Variants in PTPRM observed in about 807,000 individuals in gnomAD.
PTPRM encodes receptor-type tyrosine-protein phosphatase mu.
A neutral mutation model predicts 186.7 loss-of-function variants in PTPRM; 47 were observed. That is an observed-to-expected ratio of 0.25 (90% CI 0.20 to 0.32). The LOEUF is 0.32. Among genes scored for constraint, PTPRM ranks in the 10% least tolerant of loss-of-function variants. PTPRM has a pLI of 1.00. For synonymous variants in PTPRM, 668 were observed against 674.9 expected, an observed-to-expected ratio of 0.99 and a Z score of 0.16; for missense variants, 1,494 against 1,865.0, an observed-to-expected ratio of 0.80 and a Z score of 3.66.
intron 1 of PTPRM, among the ~76,000 whole-genome samples, chr18:7,709,037 C>A (rs77172516): frequency 1.3e-5 from 2 of 152,104 alleles, no homozygotes; most frequent in South Asian, 4.1e-4. Flanking sequence ...TTAAAAAGCA[C>A]ACTCCTGCTG....
chr18:8,004,829 G>A (rs890150634), intron 7 of PTPRM, among the ~76,000 whole-genome samples: 8 of 152,222 alleles, frequency 5.3e-5, no homozygotes, highest in African/African-American at 7.2e-5. Flanking sequence ...CAAGGCAATC[G>A]CCGTTTACCC....
At chr18:7,846,696 A>AGG (rs1251889354) in intron 2 of PTPRM, among the ~76,000 whole-genome samples, 1 of 152,186 alleles carries the variant, frequency 6.6e-6, no homozygotes, top group Non-Finnish European at 1.5e-5. Context: ...ACAGCCCTGG[A>AGG]GGGCACTCAC....
chr18:7,930,785 T>A (rs9964734), intron 5 of PTPRM, among the ~76,000 whole-genome samples: 7,801 of 152,228 alleles, frequency 0.051, 472 homozygotes, highest in African/African-American at 0.15. Flanking sequence ...TTGATTTTTT[T>A]AAATATAGAT....
intron 7 of PTPRM, among the ~76,000 whole-genome samples, chr18:7,981,902 T>C (rs2082574254): frequency 6.6e-6 from 1 of 152,120 alleles, no homozygotes; most frequent in Non-Finnish European, 1.5e-5. Flanking sequence ...AAAAATATGA[T>C]ATTGAAGATA....
intron 1 of PTPRM, among the ~76,000 whole-genome samples, chr18:7,658,714 A>G (rs538988245): frequency 3.6e-4 from 55 of 152,344 alleles, no homozygotes; most frequent in South Asian, 1.4e-3. Context: ...AGCTGAGGAC[A>G]TGAGAACATG....
rs1412213301 is a variant in PTPRM, at chr18:8,343,443, T to C, written c.2977T>C (p.Tyr993His). The C allele has an allele frequency of 1.2e-6, 2 of 1,613,784 alleles. No homozygotes were observed. The highest frequency in any genetic ancestry group is 1.7e-6 in the Non-Finnish European group (2 of 1,179,910). ...TGCAGGGCCAATGCAGGAAACCATC[T>C]ATGACTTCTGGAGGATGGTGTGGCA... ...ATQGPMQETI[Y>H]DFWRMVWHEN... Residue 993 changes from tyrosine to histidine, a missense_variant, in exon 23 of 33, where the codon TAT becomes CAT. Coordinates refer to ENST00000580170, the MANE Select transcript of PTPRM (RefSeq NM_001105244.2).
chr18:7,727,913 C>T (rs576878043), intron 1 of PTPRM, among the ~76,000 whole-genome samples: 15 of 152,266 alleles, frequency 9.9e-5, no homozygotes, highest in African/African-American at 2.9e-4. Flanking sequence ...CAAAATAGAA[C>T]TGTGGTTTTA....
chr18:7,923,186 A>G (rs1425127173), intron 4 of PTPRM, among the ~76,000 whole-genome samples: 1 of 152,208 alleles, frequency 6.6e-6, no homozygotes, highest in Non-Finnish European at 1.5e-5. Flanking sequence ...CTTTAACCCA[A>G]GTTATCCTGA....
At chr18:7,920,415 T>G (rs1157394604) in intron 4 of PTPRM, among the ~76,000 whole-genome samples, 2 of 152,156 alleles carry the variant, frequency 1.3e-5, no homozygotes, top group East Asian at 3.8e-4. Context: ...ATAAGTTATC[T>G]TAAAGAGATG....
At chr18:7,597,955 C>T (rs907971940) in intron 1 of PTPRM, among the ~76,000 whole-genome samples, 3 of 152,048 alleles carry the variant, frequency 2.0e-5, no homozygotes, top group Non-Finnish European at 4.4e-5. Flanking sequence ...TAGCATTAAT[C>T]AATAGTGCAG....
At chr18:7,671,210 C>G (rs1347457150) in intron 1 of PTPRM, among the ~76,000 whole-genome samples, 3 of 152,176 alleles carry the variant, frequency 2.0e-5, no homozygotes, top group Non-Finnish European at 4.4e-5. Flanking sequence ...TAATTATATA[C>G]ACACCAGCTA....
chr18:8,358,276 T>C (rs1033454936), intron 23 of PTPRM, among the ~76,000 whole-genome samples: 28 of 100,430 alleles, frequency 2.8e-4, no homozygotes, highest in East Asian at 1.4e-3. Flanking sequence ...CACACACACA[T>C]GCATACACTT....
At chr18:7,790,905 G>GT (rs202165979) in intron 2 of PTPRM, among the ~76,000 whole-genome samples, 2 of 151,304 alleles carry the variant, frequency 1.3e-5, no homozygotes, top group African/African-American at 2.4e-5. Context: ...ATGAAAGTTG[G>GT]TTTTAAAAAA....
Position 8,406,120 on chromosome 18 carries a change from G to A in PTPRM, c.4356G>A (p.Lys1452=). Reference sequence around the variant, plus strand: ...CTCCTGTTTTCCAGGATCAGTACAAGTTCTGCTACGAGGTGGCCCTGGAAT... The same window carrying A: ...CTCCTGTTTTCCAGGATCAGTACAAATTCTGCTACGAGGTGGCCCTGGAAT... ...PNMVDLLDQY[K]FCYEVALEYL... is the part of the protein sequence containing the mutation. Residue 1452 remains lysine, a synonymous_variant, in exon 33 of 33, where the codon AAG becomes AAA. Coordinates refer to ENST00000580170, the MANE Select transcript of PTPRM (RefSeq NM_001105244.2). 1.9e-6 allele frequency: 3 copies of A among 1,614,188 alleles called. No individual in the cohort carries two copies. The highest frequency in any genetic ancestry group is 2.5e-6 in the Non-Finnish European group (3 of 1,180,016).
chr18:8,332,727 G>A (rs181100413), intron 22 of PTPRM, among the ~76,000 whole-genome samples: 1 of 152,298 alleles, frequency 6.6e-6, no homozygotes, highest in South Asian at 2.1e-4. Context: ...CAGGTGAGGG[G>A]AAAAGACTCT....
intron 14 of PTPRM, among the ~76,000 whole-genome samples, chr18:8,202,124 C>T (rs1254781375): frequency 6.6e-6 from 1 of 152,172 alleles, no homozygotes; most frequent in Admixed American, 6.5e-5. Context: ...CAAGGCAAGG[C>T]ACATCATGGG....
At chr18:8,043,994 G>A (rs150885368) in intron 7 of PTPRM, among the ~76,000 whole-genome samples, 39 of 152,340 alleles carry the variant, frequency 2.6e-4, no homozygotes, top group African/African-American at 9.1e-4. Flanking sequence ...AAGACTGGGA[G>A]TCAGGGAGCC....
rs190530881 is a variant in PTPRM at position 7,852,415 on chromosome 18, A to G, written c.197-35691A>G. Among the ~76,000 whole-genome samples the G allele has an allele frequency of 2.6e-3, 396 of 152,088 alleles. 2 individuals are homozygous for G. The highest frequency in any genetic ancestry group is 8.9e-3 in the African/African-American group (370 of 41,482). ...AACAAAGCTGGATCCTGTCTCTACA[A>G]AAAAATTTTTTTTAGAAAAGAAACA... On this transcript the variant is annotated intron_variant, in intron 2 of 32. Coordinates refer to ENST00000580170, the MANE Select transcript of PTPRM (RefSeq NM_001105244.2).
At chr18:7,913,097 G>C (rs2050362413) in intron 4 of PTPRM, among the ~76,000 whole-genome samples, 1 of 76,984 alleles carries the variant, frequency 1.3e-5, no homozygotes, top group African/African-American at 8.1e-5. Flanking sequence ...TTATTTTGAA[G>C]TTGTTTTAAG....
Sources: gnomAD v4.1 joint callset for allele counts (sites outside exome capture counted in the v4.1 genomes callset) on GRCh38, gnomAD v4.1.1 for gene constraint, MANE v1.5 for transcripts, NCBI Gene and HGNC (gene_info 2026-07-23, HGNC 2026-07-21) for gene names.